The following TSPAN4 variants were observed in gnomAD, a reference collection of about 807,000 sequenced individuals.
The protein encoded by TSPAN4 is tetraspanin-4.
TSPAN4 carries 38 observed loss-of-function variants against 31.5 expected under a neutral mutation model. That is an observed-to-expected ratio of 1.21 (90% CI 0.93 to 1.58). The LOEUF (loss-of-function observed/expected upper bound fraction) is 1.58. Ranked by LOEUF, TSPAN4 falls within the 40% of genes most tolerant of loss-of-function variation. TSPAN4 has a pLI of 0.00. For synonymous variants in TSPAN4, 186 were observed against 144.6 expected (o/e 1.29, Z -2.06); for missense variants, 330 against 317.3 (o/e 1.04, Z -0.30).
intron 3 of TSPAN4, among the ~76,000 whole-genome samples, chr11:855,854 G>A (rs1848014328): frequency 6.6e-6 from 1 of 152,198 alleles, no homozygotes; most frequent in Non-Finnish European, 1.5e-5. Context: ...CAGAGCCCTG[G>A]CCCCTGCAGG....
At position 865,695 on chromosome 11, in the gene TSPAN4, T is replaced by G; in HGVS notation, c.434T>G (p.Phe145Cys). The G allele has an allele frequency of 1.2e-6, 2 of 1,613,246 alleles. No homozygotes were observed. Among genetic ancestry groups the G allele is most frequent in the Non-Finnish European group, 1.7e-6 (2 of 1,179,912 alleles). Residue 145 changes from phenylalanine to cysteine, a missense_variant and splice_region_variant, in exon 7 of 9, where the codon TTC (phenylalanine) becomes TGC (cysteine). Coordinates refer to ENST00000397397, the MANE Select transcript of TSPAN4 (RefSeq NM_003271.5). The part of the protein sequence containing the change: ...TNAWSIIQTD[F>C]RCCGVSNYTD... ...GCCCGACCTGAGCTTGCCCCCCAGT[T>G]CCGCTGCTGTGGCGTCTCCAACTAC...
chr11:849,826 G>GGCGCGGGGGCCGCAGC (rs1346925104), intron 2 of TSPAN4: 1 of 147,148 alleles, frequency 6.8e-6, no homozygotes, highest in African/African-American at 2.5e-5. Flanking sequence ...CGGGGTCGGG[G>GGCGCGGGGGCCGCAGC]GCGCGGGGGC....
chr11:865,384 G>T, intron 5 of TSPAN4, 129 bp from the exon 6 acceptor site: 1 of 694,620 alleles, frequency 1.4e-6, no homozygotes, highest in Admixed American at 2.5e-5. Context: ...GCAGCTTGGT[G>T]GGCTAGGAGG....
At chr11:861,851 C>T (rs553700441) in intron 3 of TSPAN4, among the ~76,000 whole-genome samples, 10 of 151,596 alleles carry the variant, frequency 6.6e-5, no homozygotes, top group South Asian at 2.1e-4. Flanking sequence ...ACCTGGGAGG[C>T]GGAGGAGGTT....
Position 848,604 on chromosome 11 carries a change from C to G in TSPAN4, c.-18+1304C>G, listed in dbSNP as rs984584155. 3.3e-5 allele frequency among the ~76,000 whole-genome samples: 5 copies of G among 152,152 alleles called. No homozygotes were observed. Among genetic ancestry groups the G allele is most frequent in the Non-Finnish European group, 7.4e-5 (5 of 68,002 alleles). ...CCTGCCACCTCCCACATCAGTCACT[C>G]CAGGAGGACCCAGGCCTCCAGAGCT... On this transcript the variant is annotated intron_variant, in intron 2 of 8. Transcript: ENST00000397397. This position sits in a 1 kb window ranked among gnomAD's most constrained non-coding sequence, Gnocchi z 5.7.
At chr11:862,377 C>T (rs1848504485) in intron 3 of TSPAN4, 173 bp from the exon 4 acceptor site, 1 of 593,050 alleles carries the variant, frequency 1.7e-6, no homozygotes, top group Non-Finnish European at 2.9e-6. Context: ...GAAAGACTGG[C>T]CTGCCCTGGA....
chr11:862,864 TC>T, intron 4 of TSPAN4, 123 bp downstream of exon 4: 1 of 1,092,274 alleles, frequency 9.2e-7, no homozygotes, highest in East Asian at 2.8e-5. Context: ...GGGCCGGACC[TC>T]CAGGCTGGCA....
chr11:860,609 C>T (rs928703345), intron 3 of TSPAN4, among the ~76,000 whole-genome samples: 2 of 152,144 alleles, frequency 1.3e-5, no homozygotes, highest in African/African-American at 2.4e-5. Context: ...GGGGGTGGGG[C>T]GGCTGCTGGT....
At position 848,336 on chromosome 11, in the gene TSPAN4, A is replaced by C. The variant is rs1847433852; in HGVS notation, c.-18+1036A>C. ...CAGGGTAGGGGCCATGGGAAGCCCC[A>C]GGATGGCCTTGTGGGCCTTCAGGGG... On this transcript the variant is annotated intron_variant, in intron 2 of 8. Transcript: ENST00000397397. This position sits in a 1 kb window ranked among gnomAD's most constrained non-coding sequence, Gnocchi z 5.7. 6.6e-6 allele frequency among the ~76,000 whole-genome samples: 1 copy of C among 152,210 alleles called. No individual in the cohort carries two copies. Among genetic ancestry groups the C allele is most frequent in the African/African-American group, 2.4e-5 (1 of 41,464 alleles).
chr11:862,938 T>TCCACAC (rs1848548456), intron 4 of TSPAN4, 197 bp downstream of exon 4: 1 of 606,830 alleles, frequency 1.6e-6, no homozygotes. Context: ...GGGGGGTGAT[T>TCCACAC]TGCAGAGCGG....
intron 5 of TSPAN4, 83 bp downstream of exon 5, chr11:864,594 G>A (rs1433496636): frequency 2.3e-5 from 35 of 1,552,264 alleles, no homozygotes; most frequent in Non-Finnish European, 4.4e-6. Flanking sequence ...GCCCGGTGTG[G>A]ACAGAGTGGC....
intron 3 of TSPAN4, 75 bp from the exon 4 acceptor site, chr11:862,475 C>T (rs576824842): frequency 3.1e-5 from 42 of 1,374,738 alleles, no homozygotes; most frequent in Admixed American, 9.0e-5. Context: ...GCTTGTGGGC[C>T]GGGCTCTGCC....
At chr11:855,630 CAG>C (rs1397538211) in intron 3 of TSPAN4, among the ~76,000 whole-genome samples, 2 of 152,166 alleles carry the variant, frequency 1.3e-5, no homozygotes, top group African/African-American at 2.4e-5. Flanking sequence ...CTCCTAGGGT[CAG>C]GGGTGAGGGA....
chr11:865,536 C>T lies in TSPAN4; in HGVS notation c.354C>T (p.Asp118=). Residue 118 remains aspartate (D), a synonymous_variant, in exon 6 of 9, where the codon GAC becomes GAT. Coordinates refer to ENST00000397397, the MANE Select transcript of TSPAN4 (RefSeq NM_003271.5). ...AGATTGACAGGTATGCCCAGCAAGA[C>T]CTGAAGAAAGGCTTGCACCTGTACG... ...TDKIDRYAQQ[D]LKKGLHLYGT... 3 of 1,612,020 alleles carry T rather than the reference C, an allele frequency of 1.9e-6. No homozygotes were observed. The highest frequency in any genetic ancestry group is 1.1e-5 in the South Asian group (1 of 91,048).
chr11:850,456 C>A, intron 3 of TSPAN4, 89 bp downstream of exon 3: 1 of 1,168,958 alleles, frequency 8.6e-7, no homozygotes, highest in Middle Eastern at 2.1e-4. Flanking sequence ...GGAGTCGCTG[C>A]CCCGGCCAGG....
intron 5 of TSPAN4, 148 bp from the exon 6 acceptor site, chr11:865,365 G>T: frequency 1.6e-6 from 1 of 640,522 alleles, no homozygotes. Flanking sequence ...ACATGGGGCC[G>T]GTGTGTCTGC....
intron 3 of TSPAN4, chr11:856,845 A>G (rs1308229790): frequency 1.3e-5 from 2 of 152,366 alleles, no homozygotes; most frequent in Non-Finnish European, 2.9e-5. Context: ...TTTCCTGCCA[A>G]AATGTTTTAA....
intron 1 of TSPAN4, chr11:844,706 T>TGC (rs1554987592): frequency 3.2e-5 from 1 of 31,074 alleles, no homozygotes; most frequent in Non-Finnish European, 7.7e-5. Context: ...GCCTGGCTTC[T>TGC]GGGGGGGGGG....
chr11:862,811 C>T (rs1252753529), intron 4 of TSPAN4, 70 bp downstream of exon 4: 2 of 1,454,680 alleles, frequency 1.4e-6, no homozygotes, highest in African/African-American at 2.9e-5. Flanking sequence ...GCCCCCAGGC[C>T]TTGGCTGCCG....
Sources: allele counts gnomAD v4.1 joint callset (sites outside exome capture counted in the v4.1 genomes callset), GRCh38; gene constraint gnomAD v4.1.1; non-coding constraint Gnocchi (gnomAD v3.1); transcripts MANE v1.5; gene names NCBI Gene and HGNC (gene_info 2026-07-23, HGNC 2026-07-21).